RELL1: variants seen among roughly 807,000 people sequenced by gnomAD.
RELL1 encodes the protein RELT like 1.
Under a neutral mutation model 23.0 loss-of-function variants are expected in RELL1, and 10 were observed. That is an observed-to-expected ratio of 0.43 (90% CI 0.27 to 0.74). The LOEUF is 0.74. Ranked by LOEUF, RELL1 falls within the 30% of genes least tolerant of loss-of-function variation. The probability of loss-of-function intolerance (pLI) is 0.19; values close to 1 mark genes in which losing one functional copy is unlikely to be tolerated. For synonymous variants in RELL1, 146 were observed against 146.8 expected, an observed-to-expected ratio of 0.99 and a Z score of 0.04; for missense variants, 315 against 364.4, an observed-to-expected ratio of 0.86 and a Z score of 1.10.
At chr4:37,671,347 T>C (rs945960529) in intron 1 of RELL1, among the ~76,000 whole-genome samples, 9 of 152,188 alleles carry the variant, frequency 5.9e-5, no homozygotes, top group African/African-American at 1.9e-4. Flanking sequence ...GGTTAGGCAT[T>C]CTAAGTCACA....
downstream of RELL1, among the ~76,000 whole-genome samples, chr4:37,587,512 T>A (rs1404269918): frequency 1.3e-5 from 2 of 152,200 alleles, no homozygotes; most frequent in African/African-American, 4.8e-5. Flanking sequence ...GACAAAAGCT[T>A]ATGAAGCAGC....
At chr4:37,604,858 C>CAG (rs1719131878) in intron 6 of RELL1, among the ~76,000 whole-genome samples, 2 of 109,594 alleles carry the variant, frequency 1.8e-5, no homozygotes. Context: ...CACAGACACA[C>CAG]ACACACAGAC....
chr4:37,623,131 A>G (rs1719828361), intron 6 of RELL1: 3 of 310,702 alleles, frequency 9.7e-6, no homozygotes, highest in Non-Finnish European at 1.9e-5. Context: ...ATATAATTGT[A>G]CCTCCATTGA....
At position 37,686,350 on chromosome 4, in the gene RELL1, G is replaced by C; in HGVS notation, c.-63C>G. 7.7e-7 allele frequency: 1 copy of C among 1,292,052 alleles called. No individual in the cohort carries two copies. Among genetic ancestry groups the C allele is most frequent in the South Asian group, 1.6e-5 (1 of 64,192 alleles). The allele number at this position is 1,292,052 out of a possible 1,614,324, so 80.0% of individuals were successfully genotyped here. A position where few individuals can be genotyped will look rare whatever the true frequency, so the allele number is the denominator to read the frequency against. On this transcript the variant is annotated 5_prime_UTR_variant, in exon 1 of 7. Coordinates refer to ENST00000454158, the MANE Select transcript of RELL1 (RefSeq NM_001085400.2). ...GTCCCGCGCTCGGGAAGGCAGAGCC[G>C]CTCCGGAGCCGGCGGGCTGATCGAG...
Position 37,660,624 on chromosome 4 carries a change from G to A in RELL1, c.89-11124C>T, listed in dbSNP as rs910962792. ...ATTTTGGTCAGCACAAAGCTCGGGG[G>A]AAGTCACATCATTTAGAGTTTAGAC... On this transcript the variant is annotated intron_variant, in intron 1 of 6. Transcript: ENST00000454158. 5.9e-5 allele frequency among the ~76,000 whole-genome samples: 9 copies of A among 152,210 alleles called. No individual in the cohort carries two copies. In the East Asian group the frequency reaches 1.5e-3, roughly 26 times the overall value.
At chr4:37,590,579 A>C (rs756320364), downstream of RELL1, 1 of 1,614,182 alleles carries the variant, frequency 6.2e-7, no homozygotes, top group Admixed American at 1.7e-5. Flanking sequence ...TTTGCCTTGG[A>C]AGTACAAGAC....
intron 1 of RELL1, among the ~76,000 whole-genome samples, chr4:37,661,534 C>T (rs1168512722): frequency 6.6e-6 from 1 of 152,174 alleles, no homozygotes; most frequent in East Asian, 1.9e-4. Context: ...CCCACCTTGG[C>T]CTTTCAAAGT....
At chr4:37,605,903 G>T (rs958983405), downstream of RELL1, among the ~76,000 whole-genome samples, 6 of 102,506 alleles carry the variant, frequency 5.9e-5, no homozygotes, top group Admixed American at 5.5e-4. Context: ...AAGAAAGGAA[G>T]AAAGAGGAAG....
intron 1 of RELL1, among the ~76,000 whole-genome samples, chr4:37,672,094 C>T (rs1189060312): frequency 3.3e-5 from 5 of 152,176 alleles, no homozygotes; most frequent in Non-Finnish European, 7.3e-5. Context: ...CTCCTTGCTG[C>T]AGTTTTAACC....
At chr4:37,590,339 C>T (rs1181538140), downstream of RELL1, 1 of 1,613,648 alleles carries the variant, frequency 6.2e-7, no homozygotes, top group Admixed American at 1.7e-5. Context: ...GAACACCATG[C>T]CTGCGGTGTC....
intron 1 of RELL1, among the ~76,000 whole-genome samples, chr4:37,653,485 T>C (rs1721022470): frequency 1.3e-5 from 2 of 152,040 alleles, no homozygotes; most frequent in Admixed American, 1.3e-4. Context: ...CAAAATCTTC[T>C]TAGGAAAATG....
rs114926012 is a variant in RELL1 at position 37,671,968 on chromosome 4, G to T, written c.88+14232C>A. Among the ~76,000 whole-genome samples, 790 of 152,234 alleles carry T rather than the reference G, an allele frequency of 5.2e-3. 8 individuals carry two copies. Among genetic ancestry groups the T allele is most frequent in the African/African-American group, 0.018 (758 of 41,524 alleles). ...AACTCAGATACAGCCAAATGGTAGA[G>T]ATTCATAGGGCAAGGTATGGTTGGG... On this transcript the variant is annotated intron_variant, in intron 1 of 6. Transcript: ENST00000454158.
chr4:37,640,532 T>G (rs1426179809), intron 3 of RELL1, among the ~76,000 whole-genome samples: 1 of 152,200 alleles, frequency 6.6e-6, no homozygotes, highest in Non-Finnish European at 1.5e-5. Flanking sequence ...CATGCGGGGA[T>G]GTTCCCCAGA....
intron 6 of RELL1, among the ~76,000 whole-genome samples, chr4:37,622,574 G>T (rs533658928): frequency 6.6e-6 from 1 of 152,234 alleles, no homozygotes; most frequent in East Asian, 1.9e-4. Flanking sequence ...TGAGCTATAA[G>T]GAAGCCCAGG....
chr4:37,589,732 A>G (rs1279567812), downstream of RELL1, among the ~76,000 whole-genome samples: 1 of 152,136 alleles, frequency 6.6e-6, no homozygotes, highest in East Asian at 1.9e-4. Flanking sequence ...CCCAGGTTCA[A>G]GCGATTCTCC....
rs760993781 is a variant in RELL1, at chr4:37,686,225, G to C, written c.63C>G (p.Ala21=). The change falls in exon 1 of 7, where the codon GCC becomes GCG. Residue 21 remains alanine (A), a synonymous_variant. Coordinates refer to ENST00000454158, the MANE Select transcript of RELL1 (RefSeq NM_001085400.2). ...CCGGAGCCACCAGCGGCGAACTCAC[G>C]GCGCCTCCCACGAAGACAGCAGCGG... ...VLAAAVFVGG[A]VSSPLVAPDN... 9 of 1,580,842 alleles carry C rather than the reference G, an allele frequency of 5.7e-6. No homozygotes were observed. Among genetic ancestry groups the C allele is most frequent in the Middle Eastern group, 1.7e-4 (1 of 5,992 alleles).
At chr4:37,586,941 G>A (rs1718368425), downstream of RELL1, among the ~76,000 whole-genome samples, 1 of 152,030 alleles carries the variant, frequency 6.6e-6, no homozygotes, top group South Asian at 2.1e-4. Flanking sequence ...CAAAACAATG[G>A]AAGTTTATTC....
intron 1 of RELL1, among the ~76,000 whole-genome samples, chr4:37,671,198 A>G (rs547176765): frequency 2.5e-4 from 38 of 152,154 alleles, no homozygotes; most frequent in Non-Finnish European, 4.4e-4. Flanking sequence ...AGGGACTACA[A>G]ATTGGGGGCT....
chr4:37,673,740 C>A (rs1721923392), intron 1 of RELL1, among the ~76,000 whole-genome samples: 1 of 152,156 alleles, frequency 6.6e-6, no homozygotes, highest in Non-Finnish European at 1.5e-5. Flanking sequence ...CAGCACAGGG[C>A]CCTGTCTCCT....
Sources: allele counts gnomAD v4.1 joint callset (sites outside exome capture counted in the v4.1 genomes callset), GRCh38; gene constraint gnomAD v4.1.1; transcripts MANE v1.5; gene names NCBI Gene and HGNC (gene_info 2026-07-23, HGNC 2026-07-21).